NAALADL2: variants seen among roughly 807,000 people sequenced by gnomAD.
NAALADL2 encodes the protein inactive N-acetylated-alpha-linked acidic dipeptidase-like protein 2.
NAALADL2 carries 76 observed loss-of-function variants against 87.2 expected under a neutral mutation model. That is an observed-to-expected ratio of 0.87 (90% CI 0.72 to 1.05). NAALADL2 has a LOEUF of 1.05. Among genes scored for constraint, NAALADL2 ranks in the 50% least tolerant of loss-of-function variants. The probability of loss-of-function intolerance (pLI) is 0.00; values close to 1 mark genes in which losing one functional copy is unlikely to be tolerated. For missense variants in NAALADL2, 1,089 were observed against 945.8 expected (o/e 1.15, Z -1.99); for synonymous variants, 354 against 331.0 (o/e 1.07, Z -0.75).
At chr3:174,570,965 G>T (rs1219872915) in intron 2 of NAALADL2, among the ~76,000 whole-genome samples, 1 of 152,210 alleles carries the variant, frequency 6.6e-6, no homozygotes, top group East Asian at 1.9e-4. Flanking sequence ...TGCATCTAAT[G>T]ATCTATAACT....
intron 13 of NAALADL2, among the ~76,000 whole-genome samples, chr3:175,756,343 AT>A (rs888147002): frequency 1.3e-5 from 2 of 152,218 alleles, no homozygotes; most frequent in South Asian, 2.1e-4. Context: ...AAGGAAAACA[AT>A]TTTTTTATAT....
intron 13 of NAALADL2, among the ~76,000 whole-genome samples, chr3:175,775,344 T>C (rs1297157675): frequency 6.6e-6 from 1 of 152,090 alleles, no homozygotes; most frequent in Non-Finnish European, 1.5e-5. Flanking sequence ...GAATATTTTC[T>C]TTATCCTTGA....
intron 1 of NAALADL2, among the ~76,000 whole-genome samples, chr3:174,460,610 T>A (rs1257606215): frequency 6.6e-6 from 1 of 151,924 alleles, no homozygotes; most frequent in Non-Finnish European, 1.5e-5. Context: ...TTCTTACGGT[T>A]TTGAAACAAT....
chr3:175,803,064 G>A lies in NAALADL2; in HGVS notation c.2249G>A (p.Trp750Ter). 1 of 1,611,694 alleles carries A rather than the reference G, an allele frequency of 6.2e-7. No individual in the cohort carries two copies. Among genetic ancestry groups the A allele is most frequent in the Non-Finnish European group, 8.5e-7 (1 of 1,178,824 alleles). Residue 750 changes from tryptophan (W) to a stop codon, truncating the protein, a stop_gained, in exon 14 of 14, where the codon TGG becomes TAG. Coordinates refer to ENST00000454872, the MANE Select transcript of NAALADL2 (RefSeq NM_207015.3). LOFTEE classifies it high-confidence loss of function. ...CGGTTTTCAATACTTATAGAGGCTT[G>A]GGAACACTGCAAACCCCTTGCATCA... Reference protein sequence around the residue: ...TSRFSILIEAWEHCKPLASNE... With the variant: ...TSRFSILIEA
At chr3:174,900,947 T>A (rs1260013567) in intron 1 of NAALADL2, among the ~76,000 whole-genome samples, 1 of 152,114 alleles carries the variant, frequency 6.6e-6, no homozygotes, top group Non-Finnish European at 1.5e-5. Context: ...TCATTGAAAA[T>A]ATAATTTTGC....
At chr3:175,108,692 A>C (rs796666804) in intron 2 of NAALADL2, among the ~76,000 whole-genome samples, 49 of 152,092 alleles carry the variant, frequency 3.2e-4, no homozygotes, top group African/African-American at 1.1e-3. Context: ...AATTTTTGTA[A>C]CTTGATGAAA....
chr3:175,092,860 A>T (rs1253855647), intron 1 of NAALADL2, among the ~76,000 whole-genome samples: 1 of 151,946 alleles, frequency 6.6e-6, no homozygotes, highest in African/African-American at 2.4e-5. Context: ...TAAGTGAATA[A>T]GATCTGTTGA....
intron 1 of NAALADL2, among the ~76,000 whole-genome samples, chr3:174,979,187 C>G (rs944821998): frequency 6.6e-6 from 1 of 151,360 alleles, no homozygotes; most frequent in Non-Finnish European, 1.5e-5. Context: ...TTTTCATGCT[C>G]TCTTCTGGAG....
At chr3:175,755,196 G>T in intron 12 of NAALADL2, 24 bp from the exon 13 acceptor site, 6 of 1,594,454 alleles carry the variant, frequency 3.8e-6, no homozygotes, top group Non-Finnish European at 5.1e-6. Context: ...TCTCTTCTGA[G>T]ATGGGCTCAT....
intron 3 of NAALADL2, among the ~76,000 whole-genome samples, chr3:175,243,523 C>T (rs1033358275): frequency 2.2e-5 from 3 of 137,678 alleles, no homozygotes; most frequent in African/African-American, 8.1e-5. Context: ...AAATGCTACA[C>T]ATCAGGACTT....
At chr3:175,314,343 C>T (rs1366365440) in intron 4 of NAALADL2, among the ~76,000 whole-genome samples, 1 of 151,202 alleles carries the variant, frequency 6.6e-6, no homozygotes, top group Non-Finnish European at 1.5e-5. Flanking sequence ...AAAAATATGT[C>T]AGCAAGATAA....
chr3:174,640,845 C>T (rs964584606), intron 2 of NAALADL2, among the ~76,000 whole-genome samples: 1 of 152,174 alleles, frequency 6.6e-6, no homozygotes, highest in Non-Finnish European at 1.5e-5. Flanking sequence ...GAGGGCACTC[C>T]ATTGTTGAGA....
intron 3 of NAALADL2, among the ~76,000 whole-genome samples, chr3:174,827,056 C>G (rs1410070751): frequency 6.6e-6 from 1 of 151,952 alleles, no homozygotes; most frequent in Non-Finnish European, 1.5e-5. Flanking sequence ...TTTTATTGCC[C>G]GTTTTAAACT....
chr3:174,784,069 A>G (rs1716314349), intron 3 of NAALADL2, among the ~76,000 whole-genome samples: 1 of 152,266 alleles, frequency 6.6e-6, no homozygotes, highest in Non-Finnish European at 1.5e-5. Flanking sequence ...AATGCTTACT[A>G]TATATATAAA....
chr3:175,234,896 G>A (rs778793585), intron 3 of NAALADL2: 2 of 152,078 alleles, frequency 1.3e-5, no homozygotes, highest in Non-Finnish European at 2.9e-5. Flanking sequence ...TAAGGTTGTT[G>A]TGAGAAAAAA....
chr3:175,747,926 G>A (rs564665925), intron 12 of NAALADL2, among the ~76,000 whole-genome samples: 1 of 152,236 alleles, frequency 6.6e-6, no homozygotes, highest in South Asian at 2.1e-4. Flanking sequence ...ACTACATGCA[G>A]TGAGTTGGAA....
intron 1 of NAALADL2, among the ~76,000 whole-genome samples, chr3:174,897,846 G>T (rs184178660): frequency 7.2e-5 from 10 of 138,106 alleles, no homozygotes; most frequent in Admixed American, 6.1e-4. Context: ...GGGCGCGGTG[G>T]CTCACGCCTG....
chr3:175,597,932 T>C (rs796827830), intron 10 of NAALADL2, among the ~76,000 whole-genome samples: 17 of 152,176 alleles, frequency 1.1e-4, no homozygotes, highest in African/African-American at 3.8e-4. Context: ...AGCCATACTC[T>C]TAAAGAATAT....
chr3:175,447,214 G>T lies in NAALADL2; in HGVS notation c.1091-15G>T. The T allele has an allele frequency of 1.3e-6, 2 of 1,548,010 alleles. No homozygotes were observed. Among genetic ancestry groups the T allele is most frequent in the Middle Eastern group, 1.7e-4 (1 of 5,802 alleles). On this transcript the variant is annotated splice_polypyrimidine_tract_variant and intron_variant, in intron 5 of 13. Coordinates refer to ENST00000454872, the MANE Select transcript of NAALADL2 (RefSeq NM_207015.3). ...TGTTTACTAAGGATTATCTTCCTTT[G>T]TCTTTTGAATACAGATGAAAGTTTT... is the stretch of plus-strand genomic sequence containing the variant.
Sources: allele counts gnomAD v4.1 joint callset (sites outside exome capture counted in the v4.1 genomes callset), GRCh38; gene constraint gnomAD v4.1.1; transcripts MANE v1.5; gene names NCBI Gene and HGNC (gene_info 2026-07-23, HGNC 2026-07-21).